The following EVA1A variants were observed in gnomAD, a reference collection of about 807,000 sequenced individuals.
The protein encoded by EVA1A is eva-1 homolog A, regulator of programmed cell death, also known as protein eva-1 homolog A.
In EVA1A, 7 loss-of-function variants were observed where a neutral mutation model predicts 9.8. That is an observed-to-expected ratio of 0.71 (90% CI 0.41 to 1.34). The LOEUF is 1.34. Among genes scored for constraint, EVA1A ranks in the 40% most tolerant of loss-of-function variants. The probability of loss-of-function intolerance (pLI) is 0.01; values close to 1 mark genes in which losing one functional copy is unlikely to be tolerated. For missense variants in EVA1A, 206 were observed against 205.9 expected (o/e 1.00, Z 0.00); for synonymous variants, 90 against 85.6 (o/e 1.05, Z -0.28).
At chr2:75,560,204 C>G (rs965827405) in intron 1 of EVA1A, among the ~76,000 whole-genome samples, 2 of 152,164 alleles carry the variant, frequency 1.3e-5, no homozygotes, top group African/African-American at 4.8e-5. Flanking sequence ...TGGGGGTCGC[C>G]AAATGCGCGC....
chr2:75,544,673 G>T (rs1205010809), intron 1 of EVA1A, among the ~76,000 whole-genome samples: 1 of 152,066 alleles, frequency 6.6e-6, no homozygotes, highest in African/African-American at 2.4e-5. Context: ...ACATAATTTT[G>T]GGAAGAATTT....
intron 1 of EVA1A, among the ~76,000 whole-genome samples, chr2:75,550,720 G>C (rs1676490000): frequency 6.6e-6 from 1 of 152,164 alleles, no homozygotes; most frequent in Non-Finnish European, 1.5e-5. Flanking sequence ...CTATCAACAT[G>C]GAAGCCATCC....
intron 3 of EVA1A, among the ~76,000 whole-genome samples, chr2:75,509,819 AAG>A (rs1359260280): frequency 6.6e-6 from 1 of 152,062 alleles, no homozygotes; most frequent in Non-Finnish European, 1.5e-5. Flanking sequence ...CAATTCTTAA[AAG>A]AGGGGAAGTT....
chr2:75,545,120 T>C (rs1446721970), intron 1 of EVA1A, among the ~76,000 whole-genome samples: 6 of 152,200 alleles, frequency 3.9e-5, no homozygotes, highest in Admixed American at 2.0e-4. Flanking sequence ...TAAGATTTCA[T>C]TGAAGAGTTT....
chr2:75,517,586 C>T (rs1253839746), intron 3 of EVA1A, among the ~76,000 whole-genome samples: 1 of 152,110 alleles, frequency 6.6e-6, no homozygotes. Flanking sequence ...TGCCTTCTGT[C>T]TTCATCTCAT....
At chr2:75,544,683 T>A (rs1676265465) in intron 1 of EVA1A, among the ~76,000 whole-genome samples, 1 of 152,254 alleles carries the variant, frequency 6.6e-6, no homozygotes, top group African/African-American at 2.4e-5. Flanking sequence ...GGGAAGAATT[T>A]TCTGCCAAAG....
intron 1 of EVA1A, among the ~76,000 whole-genome samples, chr2:75,529,011 T>C (rs1445550180): frequency 6.6e-6 from 1 of 152,142 alleles, no homozygotes; most frequent in African/African-American, 2.4e-5. Context: ...AGAAAACCAA[T>C]GCACTAAACA....
intron 3 of EVA1A, among the ~76,000 whole-genome samples, chr2:75,514,139 T>G (rs188028720): frequency 5.6e-4 from 86 of 152,240 alleles, no homozygotes; most frequent in Non-Finnish European, 4.0e-4. Context: ...GGCGAAAACA[T>G]GATGGGGCTT....
chr2:75,517,941 C>T, intron 3 of EVA1A, 115 bp downstream of exon 3: 1 of 1,224,730 alleles, frequency 8.2e-7, no homozygotes, highest in Non-Finnish European at 1.2e-6. Context: ...AGAGCAGTAG[C>T]TTTGATTACG....
At chr2:75,557,302 A>G (rs1247746110) in intron 1 of EVA1A, among the ~76,000 whole-genome samples, 1 of 152,226 alleles carries the variant, frequency 6.6e-6, no homozygotes, top group Non-Finnish European at 1.5e-5. Context: ...AAGTTAGTTT[A>G]GTGATCAGTT....
chr2:75,519,821 C>T (rs537075983), intron 2 of EVA1A, among the ~76,000 whole-genome samples: 1 of 152,196 alleles, frequency 6.6e-6, no homozygotes, highest in Non-Finnish European at 1.5e-5. Context: ...TCCCTCCTTC[C>T]TGTCTCCACT....
intron 3 of EVA1A, among the ~76,000 whole-genome samples, chr2:75,499,218 G>A (rs1674324641): frequency 6.6e-6 from 1 of 152,146 alleles, no homozygotes; most frequent in Non-Finnish European, 1.5e-5. Context: ...TGGGAGGAAG[G>A]CACTCTCATT....
At chr2:75,538,045 T>G (rs1291578545) in intron 1 of EVA1A, among the ~76,000 whole-genome samples, 5 of 152,144 alleles carry the variant, frequency 3.3e-5, no homozygotes, top group African/African-American at 1.2e-4. Flanking sequence ...ATCCCAGCAC[T>G]TCGGGAGACT....
At chr2:75,565,215 T>C (rs1039130218), upstream of EVA1A, among the ~76,000 whole-genome samples, 1 of 152,258 alleles carries the variant, frequency 6.6e-6, no homozygotes, top group Non-Finnish European at 1.5e-5. Context: ...AGCTGGGGCA[T>C]GTTCTGAAAT....
At chr2:75,531,808 G>T (rs893243584) in intron 1 of EVA1A, among the ~76,000 whole-genome samples, 9 of 152,138 alleles carry the variant, frequency 5.9e-5, no homozygotes, top group Non-Finnish European at 4.4e-5. Flanking sequence ...ATTGGGTACA[G>T]TATACACTGC....
intron 1 of EVA1A, among the ~76,000 whole-genome samples, chr2:75,568,436 C>T (rs1352503886): frequency 6.6e-6 from 1 of 150,782 alleles, no homozygotes; most frequent in Non-Finnish European, 1.5e-5. Context: ...ATTCTGGACC[C>T]ATTTCTAGAT....
chr2:75,562,961 G>A (rs1307995037), upstream of EVA1A, among the ~76,000 whole-genome samples: 1 of 152,144 alleles, frequency 6.6e-6, no homozygotes, highest in African/African-American at 2.4e-5. Flanking sequence ...TCTATAGATG[G>A]GCCCTAATCT....
chr2:75,565,098 A>G (rs1052097329), upstream of EVA1A, among the ~76,000 whole-genome samples: 3 of 152,164 alleles, frequency 2.0e-5, no homozygotes, highest in African/African-American at 4.8e-5. Flanking sequence ...CCGTGTGTCT[A>G]TCAATGCAGT....
intron 2 of EVA1A, among the ~76,000 whole-genome samples, chr2:75,520,187 C>G (rs757815030): frequency 6.6e-6 from 1 of 152,112 alleles, no homozygotes; most frequent in African/African-American, 2.4e-5. Flanking sequence ...AGAGCAAGCT[C>G]TTTCACCTCT....
Sources: allele counts gnomAD v4.1 joint callset (sites outside exome capture counted in the v4.1 genomes callset), GRCh38; gene constraint gnomAD v4.1.1; transcripts MANE v1.5; gene names NCBI Gene and HGNC (gene_info 2026-07-23, HGNC 2026-07-21).